The following RIMS2 variants were observed in gnomAD, a reference collection of about 807,000 sequenced individuals.
RIMS2 encodes the protein regulating synaptic membrane exocytosis 2.
RIMS2 carries 59 observed loss-of-function variants against 174.4 expected under a neutral mutation model. That is an observed-to-expected ratio of 0.34 (90% CI 0.27 to 0.42). The LOEUF (loss-of-function observed/expected upper bound fraction) is 0.42, where lower values mean the gene tolerates loss of function less well. Ranked by LOEUF, RIMS2 falls within the 10% of genes least tolerant of loss-of-function variation. The pLI, the probability that RIMS2 is intolerant of heterozygous loss-of-function variation, is 1.00. For missense variants in RIMS2, 1,620 were observed against 1,666.3 expected, an observed-to-expected ratio of 0.97 and a Z score of 0.48; for synonymous variants, 606 against 572.5, an observed-to-expected ratio of 1.06 and a Z score of -0.84.
At chr8:103,789,449 G>T (rs957160736) in intron 3 of RIMS2, among the ~76,000 whole-genome samples, 1 of 152,060 alleles carries the variant, frequency 6.6e-6, no homozygotes, top group Admixed American at 6.5e-5. Context: ...CTTTTGATTA[G>T]TTTAAAGTCA....
chr8:103,928,889 T>C (rs2079313454), intron 11 of RIMS2, among the ~76,000 whole-genome samples: 1 of 151,558 alleles, frequency 6.6e-6, no homozygotes, highest in Middle Eastern at 3.2e-3. Flanking sequence ...AATCAACAGC[T>C]ATATTTTAAA....
intron 1 of RIMS2, among the ~76,000 whole-genome samples, chr8:103,516,684 GA>G (rs1370748741): frequency 1.3e-5 from 2 of 152,002 alleles, no homozygotes; most frequent in Non-Finnish European, 2.9e-5. Context: ...TTATGTGCTG[GA>G]AAAATGTAGA....
chr8:103,555,787 C>G (rs1850150851), intron 1 of RIMS2, among the ~76,000 whole-genome samples: 2 of 136,250 alleles, frequency 1.5e-5, no homozygotes, highest in Admixed American at 1.5e-4. Flanking sequence ...AGAGCGAGAC[C>G]CTCTCTCTCT....
rs574205256 is a variant in RIMS2 at position 104,211,602 on chromosome 8, T to C, written c.3335-33314T>C. 2.6e-5 allele frequency among the ~76,000 whole-genome samples: 4 copies of C among 152,042 alleles called. No homozygotes were observed. The Middle Eastern group carries it at 0.014, about 521-fold the overall frequency. On this transcript the variant is annotated intron_variant, in intron 19 of 23. Transcript: ENST00000504942. Reference sequence around the variant, plus strand: ...TTTTTTGAGACAGAGTTTCGCTCTGTTGCCCCGACTAGAGTGCAGTGGCAC... The same window carrying C: ...TTTTTTGAGACAGAGTTTCGCTCTGCTGCCCCGACTAGAGTGCAGTGGCAC...
intron 19 of RIMS2, among the ~76,000 whole-genome samples, chr8:104,150,643 A>T (rs950862430): frequency 6.6e-6 from 1 of 152,208 alleles, no homozygotes; most frequent in Admixed American, 6.5e-5. Context: ...CAAGGCATAG[A>T]TCCATGATAT....
At chr8:103,697,165 A>G (rs1217048849) in exon 2 of RIMS2, 1 of 1,613,510 alleles carries the variant, frequency 6.2e-7, no homozygotes, top group Admixed American at 1.7e-5. Context: ...GCAAGAACAG[A>G]AGGGTGATGC....
intron 19 of RIMS2, among the ~76,000 whole-genome samples, chr8:104,062,070 AT>A (rs1192361546): frequency 6.6e-6 from 1 of 152,062 alleles, no homozygotes; most frequent in Admixed American, 6.6e-5. Flanking sequence ...TTTTGAAGTA[AT>A]TTTTTCACAA....
At chr8:103,749,253 A>G (rs1377499988) in intron 2 of RIMS2, among the ~76,000 whole-genome samples, 1 of 151,834 alleles carries the variant, frequency 6.6e-6, no homozygotes, top group Non-Finnish European at 1.5e-5. Flanking sequence ...CTGGGACTAC[A>G]GGCATCCGCC....
At chr8:104,237,118 A>T (rs1267074467) in intron 19 of RIMS2, among the ~76,000 whole-genome samples, 3 of 152,314 alleles carry the variant, frequency 2.0e-5, no homozygotes, top group African/African-American at 7.2e-5. Flanking sequence ...AAGCATGCTT[A>T]TAAAGCAAAA....
chr8:103,848,788 A>G (rs1455240669), intron 3 of RIMS2, among the ~76,000 whole-genome samples: 4 of 152,004 alleles, frequency 2.6e-5, no homozygotes, highest in East Asian at 1.9e-4. Flanking sequence ...TCACTTTACC[A>G]TAGAAGATTT....
intron 1 of RIMS2, among the ~76,000 whole-genome samples, chr8:103,551,686 T>C (rs1254713193): frequency 2.6e-5 from 4 of 152,168 alleles, no homozygotes; most frequent in Non-Finnish European, 5.9e-5. Context: ...GATATGATTG[T>C]ATATTTAGAA....
At chr8:103,586,851 GA>G (rs201882174) in intron 1 of RIMS2, among the ~76,000 whole-genome samples, 3 of 150,888 alleles carry the variant, frequency 2.0e-5, no homozygotes, top group Non-Finnish European at 3.0e-5. Context: ...CAGAGTAAGA[GA>G]AAAAAAACCC....
intron 19 of RIMS2, among the ~76,000 whole-genome samples, chr8:104,117,666 A>G (rs1461331891): frequency 6.6e-6 from 1 of 152,194 alleles, no homozygotes; most frequent in Non-Finnish European, 1.5e-5. Flanking sequence ...AAAATTTTCC[A>G]GGGAATGTAA....
At chr8:103,699,088 G>C (rs1474677099) in intron 2 of RIMS2, among the ~76,000 whole-genome samples, 1 of 152,162 alleles carries the variant, frequency 6.6e-6, no homozygotes, top group Non-Finnish European at 1.5e-5. Context: ...ATCTTAGTTT[G>C]TCTAGTTCCT....
chr8:104,135,388 G>A (rs1599660877), intron 19 of RIMS2, among the ~76,000 whole-genome samples: 1 of 152,024 alleles, frequency 6.6e-6, no homozygotes, highest in African/African-American at 2.4e-5. Context: ...CTCAAGCCCA[G>A]AAGTAGTTAA....
Position 104,075,222 on chromosome 8 carries a change from C to T in RIMS2, c.3334+60607C>T, listed in dbSNP as rs115878690. Among the ~76,000 whole-genome samples the T allele has an allele frequency of 7.9e-3, 1,200 of 152,158 alleles. 28 individuals carry two copies. The highest frequency in any genetic ancestry group is 0.027 in the African/African-American group (1,130 of 41,514). On this transcript the variant is annotated intron_variant, in intron 19 of 23. Transcript: ENST00000504942. ...AAACCTAGTATTCATGTAAAACAGA[C>T]GTCATTATGCATGTGTAAGATGGAA...
chr8:103,870,648 G>T (rs1594236855), intron 3 of RIMS2, among the ~76,000 whole-genome samples: 1 of 149,072 alleles, frequency 6.7e-6, no homozygotes, highest in Admixed American at 6.7e-5. Flanking sequence ...TACTCATTTT[G>T]CCCCTCAAGA....
chr8:103,828,133 C>T (rs2098803245), intron 3 of RIMS2, among the ~76,000 whole-genome samples: 1 of 151,996 alleles, frequency 6.6e-6, no homozygotes, highest in Non-Finnish European at 1.5e-5. Context: ...CATCTATGTT[C>T]ATGAGAGATT....
At chr8:103,790,879 A>G (rs972882134) in intron 3 of RIMS2, among the ~76,000 whole-genome samples, 2 of 151,916 alleles carry the variant, frequency 1.3e-5, no homozygotes, top group Non-Finnish European at 2.9e-5. Context: ...GTATGGTGTT[A>G]GGTGAAAAAT....
Sources: allele counts gnomAD v4.1 joint callset (sites outside exome capture counted in the v4.1 genomes callset), GRCh38; gene constraint gnomAD v4.1.1; transcripts MANE v1.5; gene names NCBI Gene and HGNC (gene_info 2026-07-23, HGNC 2026-07-21).